The following TAFA2 variants were observed in gnomAD, a reference collection of about 807,000 sequenced individuals.
TAFA2 encodes the protein TAFA chemokine like family member 2.
Under a neutral mutation model 18.8 loss-of-function variants are expected in TAFA2, and 7 were observed. The ratio of observed to expected loss-of-function variants is 0.37; its 90% CI spans 0.21 to 0.70. The LOEUF is 0.70. Among genes scored for constraint, TAFA2 ranks in the 30% least tolerant of loss-of-function variants. The probability of loss-of-function intolerance (pLI) is 0.53; values close to 1 mark genes in which losing one functional copy is unlikely to be tolerated. For missense variants in TAFA2, 122 were observed against 158.1 expected (o/e 0.77, Z 1.23); for synonymous variants, 60 against 54.2 (o/e 1.11, Z -0.47).
intron 1 of TAFA2, among the ~76,000 whole-genome samples, chr12:61,944,036 T>C (rs1328866607): frequency 1.0e-4 from 13 of 130,328 alleles, no homozygotes; most frequent in Non-Finnish European, 1.3e-4. Flanking sequence ...TATTCCAAAA[T>C]TGACCACATA....
chr12:62,234,892 TG>T, intron 1 of TAFA2: 1 of 981,958 alleles, frequency 1.0e-6, no homozygotes, highest in Non-Finnish European at 1.6e-6. Context: ...CCCACGATCA[TG>T]GGCATCTTGT....
intron 1 of TAFA2, among the ~76,000 whole-genome samples, chr12:61,982,956 C>T (rs1252541125): frequency 1.3e-5 from 2 of 150,020 alleles, no homozygotes; most frequent in East Asian, 3.9e-4. Flanking sequence ...TCTTTAATTC[C>T]CTTCTTCATC....
intron 1 of TAFA2, among the ~76,000 whole-genome samples, chr12:62,164,496 G>A (rs907259401): frequency 6.6e-6 from 1 of 152,070 alleles, no homozygotes; most frequent in African/African-American, 2.4e-5. Flanking sequence ...GCATTTCCAT[G>A]TTTTAAATCT....
chr12:62,194,485 T>G (rs921849905), upstream of TAFA2, among the ~76,000 whole-genome samples: 5 of 152,218 alleles, frequency 3.3e-5, no homozygotes, highest in Admixed American at 6.5e-5. Context: ...AAACCCACTG[T>G]GTTTTTACAA....
intron 1 of TAFA2, chr12:62,139,851 A>T (rs1424922852): frequency 1.3e-5 from 2 of 152,216 alleles, no homozygotes; most frequent in Non-Finnish European, 2.9e-5. Context: ...GCCCAAGGTC[A>T]CACAGTGACT....
intron 1 of TAFA2, among the ~76,000 whole-genome samples, chr12:62,169,396 C>A (rs1346383295): frequency 6.6e-6 from 1 of 152,176 alleles, no homozygotes; most frequent in Non-Finnish European, 1.5e-5. Context: ...TGGCACACAA[C>A]CACTTGTAAA....
chr12:62,213,532 G>C (rs1418137395), intron 1 of TAFA2, among the ~76,000 whole-genome samples: 1 of 151,710 alleles, frequency 6.6e-6, no homozygotes, highest in African/African-American at 2.4e-5. Flanking sequence ...AGTCCCAGCT[G>C]CTCAGGAGGC....
chr12:61,935,724 T>C (rs1413335699), intron 1 of TAFA2, among the ~76,000 whole-genome samples: 1 of 151,980 alleles, frequency 6.6e-6, no homozygotes, highest in Non-Finnish European at 1.5e-5. Flanking sequence ...TTCTAACCTC[T>C]ACACAAACAA....
chr12:61,724,109 T>C (rs1233158575), intron 4 of TAFA2, among the ~76,000 whole-genome samples: 1 of 152,142 alleles, frequency 6.6e-6, no homozygotes, highest in East Asian at 1.9e-4. Context: ...AATTATGTAC[T>C]GTATATATTA....
upstream of TAFA2, among the ~76,000 whole-genome samples, chr12:62,194,180 A>AT (rs1384618805): frequency 4.6e-5 from 7 of 152,194 alleles, no homozygotes; most frequent in Admixed American, 2.6e-4. Context: ...ATCTTACAGT[A>AT]TTTTTTTGTC....
At chr12:61,784,815 ATTTTC>A (rs942773702) in intron 2 of TAFA2, among the ~76,000 whole-genome samples, 35 of 146,568 alleles carry the variant, frequency 2.4e-4, no homozygotes, top group East Asian at 8.1e-4. Flanking sequence ...TTTCCTCTTC[ATTTTC>A]TTTTCTTTTT....
chr12:61,927,552 G>A (rs993468051), intron 1 of TAFA2, among the ~76,000 whole-genome samples: 1 of 152,176 alleles, frequency 6.6e-6, no homozygotes, highest in Non-Finnish European at 1.5e-5. Flanking sequence ...CTCATGGATA[G>A]GAAGAATCAA....
At chr12:61,776,568 G>A (rs763575899) in intron 2 of TAFA2, among the ~76,000 whole-genome samples, 1 of 151,752 alleles carries the variant, frequency 6.6e-6, no homozygotes, top group Non-Finnish European at 1.5e-5. Flanking sequence ...ATGGGGATTA[G>A]GAAATAATTC....
In TAFA2 at chr12:61,875,938, T is replaced by G. The variant is rs144370718; in HGVS notation, c.-1-8512A>C. On this transcript the variant is annotated intron_variant, in intron 1 of 4. Transcript: ENST00000416284. ...AACTGCTAGGTGGAGGACCATTATA[T>G]AGAATAAGAAAGGAAAATTCCAATT... is the stretch of plus-strand genomic sequence containing the variant. 7.4e-3 allele frequency among the ~76,000 whole-genome samples: 1,127 copies of G among 152,216 alleles called. 8 individuals carry two copies. Among genetic ancestry groups the G allele is most frequent in the African/African-American group, 0.024 (988 of 41,542 alleles).
intron 1 of TAFA2, among the ~76,000 whole-genome samples, chr12:62,213,322 T>C (rs2062721530): frequency 6.6e-6 from 1 of 152,150 alleles, no homozygotes; most frequent in Non-Finnish European, 1.5e-5. Flanking sequence ...ACCATTTAGG[T>C]AAGTTCAATT....
At chr12:62,118,208 T>G (rs1056765239) in intron 1 of TAFA2, among the ~76,000 whole-genome samples, 1 of 152,182 alleles carries the variant, frequency 6.6e-6, no homozygotes, top group Non-Finnish European at 1.5e-5. Flanking sequence ...AGGGATATTT[T>G]AGTTTTTAAC....
intron 1 of TAFA2, among the ~76,000 whole-genome samples, chr12:62,177,990 A>C (rs1408871885): frequency 6.6e-6 from 1 of 152,150 alleles, no homozygotes; most frequent in Non-Finnish European, 1.5e-5. Flanking sequence ...TCTAAATATC[A>C]GAGGAGGGTA....
At chr12:61,951,311 T>C (rs114120743) in intron 1 of TAFA2, among the ~76,000 whole-genome samples, 3 of 152,148 alleles carry the variant, frequency 2.0e-5, no homozygotes, top group Non-Finnish European at 4.4e-5. Flanking sequence ...CAGGCAAATA[T>C]GTTTTGAAAG....
At chr12:61,906,480 C>T (rs1027052547) in intron 1 of TAFA2, among the ~76,000 whole-genome samples, 3 of 152,202 alleles carry the variant, frequency 2.0e-5, no homozygotes, top group African/African-American at 7.2e-5. Flanking sequence ...CCAGGTGGAA[C>T]TGTGAGTCCT....
Sources: gnomAD v4.1 joint callset for allele counts (sites outside exome capture counted in the v4.1 genomes callset) on GRCh38, gnomAD v4.1.1 for gene constraint, MANE v1.5 for transcripts, NCBI Gene and HGNC (gene_info 2026-07-23, HGNC 2026-07-21) for gene names.